Variants in ACACA observed in about 807,000 individuals in gnomAD.
ACACA encodes the protein acetyl-CoA carboxylase alpha, also known as acetyl-CoA carboxylase 1.
Under a neutral mutation model 296.1 loss-of-function variants are expected in ACACA, and 103 were observed. The observed-to-expected ratio is 0.35, with a 90% CI of 0.30 to 0.41. ACACA has a LOEUF of 0.41. Among genes scored for constraint, ACACA ranks in the 10% least tolerant of loss-of-function variants. The probability of loss-of-function intolerance (pLI) is 1.00; values close to 1 mark genes in which losing one functional copy is unlikely to be tolerated. For missense variants in ACACA, 1,554 were observed against 2,989.7 expected (o/e 0.52, Z 11.20); for synonymous variants, 953 against 1,038.6 (o/e 0.92, Z 1.58).
At position 37,246,793 on chromosome 17, in the gene ACACA, C is replaced by CCTT. The variant is rs754250486; in HGVS notation, c.2460+32_2460+33insAAG. On this transcript the variant is annotated intron_variant, in intron 19 of 55. Transcript: ENST00000616317. Reference sequence around the variant, plus strand: ...GCCGACCCTTTTCCTACCTTCCCCTCCCATGATCCCACAGTCCTTTCACCA... The same window carrying CCTT: ...GCCGACCCTTTTCCTACCTTCCCCTCCTTCCATGATCCCACAGTCCTTTCACCA... 8.1e-6 allele frequency: 13 copies of CCTT among 1,612,060 alleles called. No homozygotes were observed. The East Asian group carries it at 2.9e-4, about 36-fold the overall frequency.
chr17:37,259,745 T>A (rs1278293464), intron 11 of ACACA, among the ~76,000 whole-genome samples: 2 of 151,978 alleles, frequency 1.3e-5, no homozygotes, highest in East Asian at 3.9e-4. Context: ...TCACTTTGCA[T>A]CAAAAGCAAC....
chr17:37,097,098 G>T lies in ACACA; in HGVS notation c.6789C>A (p.Asp2263Glu). 1 of 1,614,070 alleles carries T rather than the reference G, an allele frequency of 6.2e-7. No homozygotes were observed. Among genetic ancestry groups the T allele is most frequent in the Non-Finnish European group, 8.5e-7 (1 of 1,180,022 alleles). The stretch of plus-strand genomic sequence containing the variant: ...CATTGTGGATTTTCTTCTTGACCAG[G>T]TCCTCCAGCAGAAGACGCCTCAGCC... ...YWRLRRLLLEDLVKKKIHNAN... is the reference protein window; with the variant it reads ...YWRLRRLLLEELVKKKIHNAN... The change falls in exon 54 of 56, where the codon GAC becomes GAA. Residue 2263 changes from aspartate to glutamate, a missense_variant. By Grantham distance (45) the Asp-to-Glu change is conservative (BLOSUM62 2). Coordinates refer to ENST00000616317, the MANE Select transcript of ACACA (RefSeq NM_198834.3). This position sits in a 1 kb window ranked among gnomAD's most constrained non-coding sequence, Gnocchi z 4.8.
At chr17:37,089,694 T>C (rs563791140) in intron 54 of ACACA, among the ~76,000 whole-genome samples, 1 of 152,240 alleles carries the variant, frequency 6.6e-6, no homozygotes, top group African/African-American at 2.4e-5. Context: ...TATGAGAGTA[T>C]TCGAAAGGAT....
chr17:37,357,205 A>T (rs1255872268), intron 1 of ACACA, among the ~76,000 whole-genome samples: 1 of 152,208 alleles, frequency 6.6e-6, no homozygotes, highest in Non-Finnish European at 1.5e-5. Context: ...AAATCAAAAC[A>T]AAACAAGCCT....
rs751514712 is a variant in ACACA at position 37,151,417 on chromosome 17, T to C, written c.5452A>G (p.Lys1818Glu). The change falls in exon 44 of 56, where the codon AAG (lysine) becomes GAG (glutamate). Residue 1818 changes from lysine (K) to glutamate (E), a missense_variant. By Grantham distance (56) the Lys-to-Glu change is moderately conservative. Around this residue, in one of 16 missense-constraint regions of ACACA, gnomAD observed 553 missense variants for 1,043.6 expected, o/e 0.53. Transcript: ENST00000616317. ...HVEDEGESRY[K>E]ITDIIGKEEG... ...TCTTTCCCAATAATATCTGTTATCT[T>C]GTACCTATTGGATATGGCCATGTCA... 2.5e-6 allele frequency: 4 copies of C among 1,613,784 alleles called. No individual in the cohort carries two copies. The highest frequency in any genetic ancestry group is 3.4e-6 in the Non-Finnish European group (4 of 1,179,886).
At position 37,306,750 on chromosome 17, in the gene ACACA, A is replaced by G. The variant is rs572426317; in HGVS notation, c.339-21780T>C. Among the ~76,000 whole-genome samples the G allele has an allele frequency of 1.7e-3, 262 of 151,902 alleles. 1 individual carries two copies. The highest frequency in any genetic ancestry group is 6.0e-3 in the African/African-American group (247 of 41,396). On this transcript the variant is annotated intron_variant, in intron 3 of 55. Transcript: ENST00000616317. ...TGCTCTGTCACCCAGGCTGGAGTGC[A>G]GTGGTGCACCCTCGGCTCACTGCAA... is the stretch of plus-strand genomic sequence containing the variant.
chr17:37,247,656 C>G (rs532139358), intron 18 of ACACA, among the ~76,000 whole-genome samples: 2 of 152,100 alleles, frequency 1.3e-5, no homozygotes, highest in African/African-American at 4.8e-5. Flanking sequence ...CGTGAGCCAC[C>G]GCGCCCAGCC....
At chr17:37,342,619 T>C (rs1441233209) in intron 1 of ACACA, among the ~76,000 whole-genome samples, 1 of 151,080 alleles carries the variant, frequency 6.6e-6, no homozygotes, top group Non-Finnish European at 1.5e-5. Flanking sequence ...TTCCTGAAAA[T>C]GTGGTAAAGC....
intron 45 of ACACA, among the ~76,000 whole-genome samples, chr17:37,142,256 T>C (rs1022928732): frequency 6.6e-6 from 1 of 152,192 alleles, no homozygotes; most frequent in Non-Finnish European, 1.5e-5. Flanking sequence ...AGTGGAGCTC[T>C]GTGTGGCGAT....
At chr17:37,367,336 G>T (rs2946342) in intron 1 of ACACA, among the ~76,000 whole-genome samples, 1 of 151,930 alleles carries the variant, frequency 6.6e-6, no homozygotes, top group Non-Finnish European at 1.5e-5. Flanking sequence ...CATAGTTTTG[G>T]GGGTGAATAC....
At chr17:37,295,025 A>G (rs1368316625) in intron 3 of ACACA, among the ~76,000 whole-genome samples, 1 of 152,230 alleles carries the variant, frequency 6.6e-6, no homozygotes, top group African/African-American at 2.4e-5. Flanking sequence ...AACTGTAATG[A>G]TAGGAACTGG....
chr17:37,358,081 T>G (rs1227402609), intron 1 of ACACA, among the ~76,000 whole-genome samples: 1 of 152,226 alleles, frequency 6.6e-6, no homozygotes, highest in African/African-American at 2.4e-5. Flanking sequence ...TAGGGTCTTT[T>G]TTTTTATTCC....
At chr17:37,166,229 G>T (rs2076661626) in intron 41 of ACACA, among the ~76,000 whole-genome samples, 1 of 152,004 alleles carries the variant, frequency 6.6e-6, no homozygotes, top group East Asian at 1.9e-4. Flanking sequence ...GGCCTCCTGG[G>T]CTTAAGTGAT....
intron 41 of ACACA, 46 bp downstream of exon 41, chr17:37,179,212 CTA>C (rs760284808): frequency 6.2e-7 from 1 of 1,612,826 alleles, no homozygotes; most frequent in Non-Finnish European, 8.5e-7. Context: ...AAAGCTGGTA[CTA>C]GTGGGCACAG....
chr17:37,398,229 C>CA (rs35921490), intron 1 of ACACA, among the ~76,000 whole-genome samples: 9,802 of 64,798 alleles, frequency 0.15, 710 homozygotes, highest in African/African-American at 0.26. Context: ...GACTCTGTCT[C>CA]AAAAAAAAAA....
chr17:37,166,327 T>TG (rs1204225884), intron 41 of ACACA, among the ~76,000 whole-genome samples: 18 of 150,334 alleles, frequency 1.2e-4, no homozygotes, highest in East Asian at 6.0e-4. Context: ...TTTGTAGAGA[T>TG]GGGGTCTCAC....
chr17:37,251,826 C>A (rs2081008895), intron 16 of ACACA, among the ~76,000 whole-genome samples, 179 bp downstream of exon 16: 1 of 148,784 alleles, frequency 6.7e-6, no homozygotes, highest in Admixed American at 6.7e-5. Context: ...AGTTTGACTC[C>A]CCAAATAATT....
Position 37,102,354 on chromosome 17 carries a change from G to A in ACACA, c.6566-4370C>T, listed in dbSNP as rs558009667. 1.2e-3 allele frequency among the ~76,000 whole-genome samples: 186 copies of A among 152,044 alleles called. 1 individual carries two copies. Among genetic ancestry groups the A allele is most frequent in the Non-Finnish European group, 2.3e-3 (156 of 67,980 alleles). ...CAAGTAGCTGGGATTACAGGTGCCC[G>A]TCACCAAGCCTGACTGATTTTTGAA... is the stretch of plus-strand genomic sequence containing the variant. On this transcript the variant is annotated intron_variant, in intron 52 of 55. Transcript: ENST00000616317.
At chr17:37,162,331 T>C (rs536811411) in intron 41 of ACACA, among the ~76,000 whole-genome samples, 1 of 152,232 alleles carries the variant, frequency 6.6e-6, no homozygotes, top group Non-Finnish European at 1.5e-5. Context: ...GCACTCAGGA[T>C]ACATGTGGAA....
Sources: gnomAD v4.1 joint callset for allele counts (sites outside exome capture counted in the v4.1 genomes callset) on GRCh38, gnomAD v4.1.1 for gene constraint, gnomAD v4.1.1 regional missense constraint, Gnocchi (gnomAD v3.1) non-coding constraint, MANE v1.5 for transcripts, NCBI Gene and HGNC (gene_info 2026-07-23, HGNC 2026-07-21) for gene names.